Variants in MPHOSPH6 observed in about 807,000 individuals in gnomAD.
MPHOSPH6 encodes M-phase phosphoprotein 6.
MPHOSPH6 carries 25 observed loss-of-function variants against 21.8 expected under a neutral mutation model. The observed-to-expected ratio is 1.15, with a 90% CI of 0.83 to 1.60. The LOEUF is 1.60. Ranked by LOEUF, MPHOSPH6 falls within the 40% of genes most tolerant of loss-of-function variation. MPHOSPH6 has a pLI of 0.00. For synonymous variants in MPHOSPH6, 84 were observed against 56.5 expected (o/e 1.49, Z -2.18); for missense variants, 269 against 181.8 (o/e 1.48, Z -2.76).
At chr16:82,168,611 A>C (rs1906869075) in intron 1 of MPHOSPH6, among the ~76,000 whole-genome samples, 1 of 151,746 alleles carries the variant, frequency 6.6e-6, no homozygotes, top group Admixed American at 6.6e-5. Context: ...GCTGGGACTA[A>C]AGGTGCGTGC....
At chr16:82,167,886 G>T (rs1217441830) in intron 1 of MPHOSPH6, among the ~76,000 whole-genome samples, 1 of 152,180 alleles carries the variant, frequency 6.6e-6, no homozygotes, top group Non-Finnish European at 1.5e-5. Flanking sequence ...TGGCCTGGCG[G>T]TTGGGGACCC....
At chr16:82,150,545 A>G (rs1906231438) in intron 3 of MPHOSPH6, among the ~76,000 whole-genome samples, 1 of 152,218 alleles carries the variant, frequency 6.6e-6, no homozygotes, top group East Asian at 1.9e-4. Flanking sequence ...TGTGGCTCCT[A>G]GAGAAGTGGT....
chr16:82,165,544 T>C (rs966653548), intron 1 of MPHOSPH6, among the ~76,000 whole-genome samples: 2 of 152,148 alleles, frequency 1.3e-5, no homozygotes, highest in African/African-American at 2.4e-5. Flanking sequence ...ACGAATAAAA[T>C]AGTCATGCAC....
At chr16:82,160,598 C>T (rs191631560) in intron 2 of MPHOSPH6, among the ~76,000 whole-genome samples, 10 of 152,298 alleles carry the variant, frequency 6.6e-5, no homozygotes, top group Non-Finnish European at 1.0e-4. Flanking sequence ...GGCAAGTCTG[C>T]TTGTGGTCCG....
intron 2 of MPHOSPH6, among the ~76,000 whole-genome samples, chr16:82,153,423 C>G (rs528177851): frequency 6.6e-6 from 1 of 152,114 alleles, no homozygotes; most frequent in Non-Finnish European, 1.5e-5. Flanking sequence ...CCCATGAATG[C>G]GGAGCTTTCT....
At position 82,164,062 on chromosome 16, in the gene MPHOSPH6, A is replaced by G; in HGVS notation, c.164+20T>C. ...TCTGAATGCCACAAGCATCATCAGT[A>G]TCAATTTTAATAAACCTACTCTTTC... On this transcript the variant is annotated intron_variant, in intron 2 of 4. Transcript: ENST00000258169. The G allele has an allele frequency of 2.0e-6, 3 of 1,518,412 alleles. No homozygotes were observed. The highest frequency in any genetic ancestry group is 2.7e-6 in the Non-Finnish European group (3 of 1,097,224). 94.1% of individuals were successfully genotyped at this position (1,518,412 alleles called of 1,614,324 possible). A position where few individuals can be genotyped will look rare whatever the true frequency, so the allele number is the denominator to read the frequency against.
intron 2 of MPHOSPH6, among the ~76,000 whole-genome samples, chr16:82,157,708 T>C (rs1357211991): frequency 2.6e-5 from 4 of 152,116 alleles, no homozygotes; most frequent in African/African-American, 7.2e-5. Flanking sequence ...AAAAGAGTGG[T>C]CTGGATAGGC....
At chr16:82,153,859 T>A (rs1906345799) in intron 2 of MPHOSPH6, among the ~76,000 whole-genome samples, 1 of 152,160 alleles carries the variant, frequency 6.6e-6, no homozygotes. Flanking sequence ...AAAATCCAGA[T>A]GTTAGTAGGC....
At chr16:82,151,653 G>T (rs1320069657) in intron 2 of MPHOSPH6, 139 bp from the exon 3 acceptor site, 2 of 1,249,910 alleles carry the variant, frequency 1.6e-6, no homozygotes, top group South Asian at 5.2e-5. Flanking sequence ...CTAACTTAGG[G>T]TTAAAAATAA....
At chr16:82,160,671 G>A (rs1370179958) in intron 2 of MPHOSPH6, among the ~76,000 whole-genome samples, 2 of 152,190 alleles carry the variant, frequency 1.3e-5, no homozygotes, top group African/African-American at 4.8e-5. Flanking sequence ...TCCACTGGGT[G>A]CACAGCATCC....
intron 2 of MPHOSPH6, among the ~76,000 whole-genome samples, chr16:82,159,086 T>G (rs550492217): frequency 6.6e-6 from 1 of 152,346 alleles, no homozygotes; most frequent in African/African-American, 2.4e-5. Flanking sequence ...GAAAAGGCCA[T>G]TGAGATACTC....
chr16:82,148,477 T>C lies in MPHOSPH6; in HGVS notation c.*254A>G, dbSNP rs183224471. On this transcript the variant is annotated 3_prime_UTR_variant, in exon 5 of 5. Transcript: ENST00000258169. ...GAGAAACCTGAGGTAAAAAAAATCT[T>C]TAGGAAGCAGCCCTGTAACAATGTA... 4.5e-4 allele frequency: 159 copies of C among 349,772 alleles called. No individual in the cohort carries two copies. Among genetic ancestry groups the C allele is most frequent in the African/African-American group, 3.2e-3 (154 of 48,056 alleles). The allele number at this position is 349,772 out of a possible 1,614,324, so 21.7% of individuals were successfully genotyped here.
At chr16:82,159,799 T>A (rs1183105644) in intron 2 of MPHOSPH6, among the ~76,000 whole-genome samples, 1 of 152,160 alleles carries the variant, frequency 6.6e-6, no homozygotes, top group African/African-American at 2.4e-5. Context: ...TCACTGGCCC[T>A]CTAGTCTGGC....
intron 2 of MPHOSPH6, among the ~76,000 whole-genome samples, chr16:82,156,725 A>G (rs1906438959): frequency 6.6e-6 from 1 of 152,206 alleles, no homozygotes; most frequent in Non-Finnish European, 1.5e-5. Flanking sequence ...ATGAAAACAT[A>G]ACAAAACAAA....
At position 82,156,510 on chromosome 16, in the gene MPHOSPH6, C is replaced by G. The variant is rs1308230955; in HGVS notation, c.165-4996G>C. 2.0e-5 allele frequency among the ~76,000 whole-genome samples: 3 copies of G among 151,966 alleles called. No individual in the cohort carries two copies. The East Asian group carries it at 5.8e-4, about 29-fold the overall frequency. On this transcript the variant is annotated intron_variant, in intron 2 of 4. Coordinates refer to ENST00000258169, the MANE Select transcript of MPHOSPH6 (RefSeq NM_005792.2). Reference sequence around the variant, plus strand: ...TCACAAAGGTAGATATGGAAATGGCCAAAAAGGAAGAAGTTCTTCAACATT... The same window carrying G: ...TCACAAAGGTAGATATGGAAATGGCGAAAAAGGAAGAAGTTCTTCAACATT...
intron 2 of MPHOSPH6, among the ~76,000 whole-genome samples, chr16:82,153,256 C>T (rs950166444): frequency 6.6e-6 from 1 of 152,180 alleles, no homozygotes; most frequent in South Asian, 2.1e-4. Context: ...CAGGTTATTC[C>T]ATCCCTAGCT....
intron 1 of MPHOSPH6, among the ~76,000 whole-genome samples, chr16:82,165,356 C>G (rs763185308): frequency 2.6e-5 from 4 of 151,810 alleles, no homozygotes; most frequent in Admixed American, 6.6e-5. Context: ...AAACTCCTGA[C>G]TTTGTGATCC....
chr16:82,151,269 A>C (rs1007943231), intron 3 of MPHOSPH6, 155 bp downstream of exon 3: 1 of 1,107,348 alleles, frequency 9.0e-7, no homozygotes, highest in Non-Finnish European at 1.3e-6. Flanking sequence ...CAATGCCTCC[A>C]ATTTCTTTAA....
At chr16:82,169,669 C>G (rs2911428) in intron 1 of MPHOSPH6, among the ~76,000 whole-genome samples, 33,753 of 152,162 alleles carry the variant, frequency 0.22, 4,625 homozygotes, top group Admixed American at 0.37. Context: ...GGAGCTTGAA[C>G]TCATGTAGCC....
Sources: gnomAD v4.1 joint callset for allele counts (sites outside exome capture counted in the v4.1 genomes callset) on GRCh38, gnomAD v4.1.1 for gene constraint, MANE v1.5 for transcripts, NCBI Gene and HGNC (gene_info 2026-07-23, HGNC 2026-07-21) for gene names.